The following SLC37A3 variants were observed in gnomAD, a reference collection of about 807,000 sequenced individuals.
The protein encoded by SLC37A3 is sugar phosphate exchanger 3.
In SLC37A3, 51 loss-of-function variants were observed where a neutral mutation model predicts 67.1. The ratio of observed to expected loss-of-function variants is 0.76; its 90% CI spans 0.61 to 0.96. SLC37A3 has a LOEUF of 0.96. SLC37A3 is among the 40% of genes least tolerant of loss of function. SLC37A3 has a pLI of 0.00. For missense variants in SLC37A3, 508 were observed against 603.0 expected (o/e 0.84, Z 1.65); for synonymous variants, 214 against 231.4 (o/e 0.92, Z 0.68).
chr7:140,373,938 A>C (rs1293146900), intron 3 of SLC37A3, among the ~76,000 whole-genome samples: 1 of 152,180 alleles, frequency 6.6e-6, no homozygotes, highest in East Asian at 1.9e-4. Flanking sequence ...GTTTTGAAAA[A>C]GTCATTTTTC....
rs1486514231 is a variant in SLC37A3, at chr7:140,358,785, C to T, written c.376G>A (p.Val126Met). 3 of 1,613,940 alleles carry T rather than the reference C, an allele frequency of 1.9e-6. No individual in the cohort carries two copies. Among genetic ancestry groups the T allele is most frequent in the Non-Finnish European group, 2.5e-6 (3 of 1,180,012 alleles). The change falls in exon 6 of 15, where the codon GTG (valine) becomes ATG (methionine). Residue 126 changes from valine (V) to methionine (M), a missense_variant and splice_region_variant. Coordinates refer to ENST00000326232, the MANE Select transcript of SLC37A3 (RefSeq NM_207113.3). ...TCTGTGAGCGCACCAAAGACAAACA[C>T]CTTGAAGAGGAGGAAACAAAAGGAA... The part of the protein sequence containing the change: ...SFGMCSSALV[V>M]FVFGALTEWL...
chr7:140,365,387 A>G (rs539446694), intron 4 of SLC37A3, among the ~76,000 whole-genome samples: 2 of 152,080 alleles, frequency 1.3e-5, no homozygotes, highest in Non-Finnish European at 2.9e-5. Context: ...CCAATAGTTC[A>G]AGACCAAACT....
At position 140,335,403 on chromosome 7, in the gene SLC37A3, G is replaced by C; in HGVS notation, c.*9C>G. 6.2e-7 allele frequency: 1 copy of C among 1,614,088 alleles called. No individual in the cohort carries two copies. Among genetic ancestry groups the C allele is most frequent in the Non-Finnish European group, 8.5e-7 (1 of 1,180,030 alleles). ...GCTGACATTGTTCTTTCTGTCTCGC[G>C]GGCACCGGTCACTCCCTCAATATGT... On this transcript the variant is annotated 3_prime_UTR_variant, in exon 15 of 15. Coordinates refer to ENST00000326232, the MANE Select transcript of SLC37A3 (RefSeq NM_207113.3).
chr7:140,355,182 A>G (rs1424489958), intron 7 of SLC37A3, among the ~76,000 whole-genome samples: 1 of 150,786 alleles, frequency 6.6e-6, no homozygotes, highest in Non-Finnish European at 1.5e-5. Context: ...ACTTTTAATG[A>G]ATATATCAGA....
At chr7:140,362,683 G>T (rs1304168257) in intron 5 of SLC37A3, among the ~76,000 whole-genome samples, 1 of 71,868 alleles carries the variant, frequency 1.4e-5, no homozygotes. Flanking sequence ...TGGGGGGGGG[G>T]GTCAGCCCCC....
chr7:140,392,210 G>A (rs766363517), intron 1 of SLC37A3, among the ~76,000 whole-genome samples: 1 of 151,782 alleles, frequency 6.6e-6, no homozygotes, highest in Non-Finnish European at 1.5e-5. Flanking sequence ...GGACTGAAAG[G>A]TGTCCGTGTA....
At chr7:140,365,910 C>A (rs1444679929) in intron 4 of SLC37A3, among the ~76,000 whole-genome samples, 14 of 115,020 alleles carry the variant, frequency 1.2e-4, no homozygotes, top group Non-Finnish European at 1.5e-4. Flanking sequence ...GATGACAGAA[C>A]AATACATGCT....
At chr7:140,380,412 G>A (rs1798206192) in intron 2 of SLC37A3, 22 bp from the exon 3 acceptor site, 1 of 1,504,932 alleles carries the variant, frequency 6.6e-7, no homozygotes, top group African/African-American at 1.4e-5. Flanking sequence ...AGAGAATACA[G>A]ATGAATGAAT....
At chr7:140,361,308 C>A (rs944500376) in intron 5 of SLC37A3, among the ~76,000 whole-genome samples, 2 of 151,854 alleles carry the variant, frequency 1.3e-5, no homozygotes, top group Non-Finnish European at 2.9e-5. Flanking sequence ...CATGGAGAAA[C>A]CCGTCTTTAC....
rs907760578 is a variant in SLC37A3, at chr7:140,380,812, G to A, written c.90-422C>T. Among the ~76,000 whole-genome samples, 3 of 151,992 alleles carry A rather than the reference G, an allele frequency of 2.0e-5. 1 individual carries two copies. In the South Asian group the frequency reaches 6.2e-4, roughly 32 times the overall value. On this transcript the variant is annotated intron_variant, in intron 2 of 14. Coordinates refer to ENST00000326232, the MANE Select transcript of SLC37A3 (RefSeq NM_207113.3). ...GCCCAGGATGGTCTCAAACTCCTGG[G>A]CTCAAGCGATCCTCCCACCACTTGG... is the stretch of plus-strand genomic sequence containing the variant.
At chr7:140,364,528 A>T (rs1797521820) in intron 4 of SLC37A3, 37 bp from the exon 5 acceptor site, 1 of 1,581,244 alleles carries the variant, frequency 6.3e-7, no homozygotes, top group African/African-American at 1.4e-5. Flanking sequence ...GCTCTAAATA[A>T]TAACACAGTA....
At chr7:140,351,203 A>C (rs1796779137) in intron 9 of SLC37A3, 70 bp downstream of exon 9, 4 of 1,462,030 alleles carry the variant, frequency 2.7e-6, no homozygotes, top group Non-Finnish European at 3.7e-6. Flanking sequence ...AGGAAGCTTT[A>C]TCTCAGGCAG....
intron 9 of SLC37A3, 152 bp downstream of exon 9, chr7:140,351,121 G>A (rs1796776222): frequency 8.9e-6 from 6 of 670,842 alleles, no homozygotes; most frequent in Admixed American, 3.5e-5. Context: ...CAGATAAGCT[G>A]AGGGGCACTA....
intron 3 of SLC37A3, among the ~76,000 whole-genome samples, chr7:140,371,452 G>A (rs555024929): frequency 1.1e-4 from 16 of 152,270 alleles, no homozygotes; most frequent in African/African-American, 3.9e-4. Flanking sequence ...GATTACAGGC[G>A]TGAGCCACCG....
intron 13 of SLC37A3, among the ~76,000 whole-genome samples, chr7:140,340,948 G>A (rs1326739889): frequency 2.0e-5 from 3 of 148,236 alleles, no homozygotes; most frequent in Non-Finnish European, 4.5e-5. Flanking sequence ...AAAAAATAGA[G>A]AGAGAGAGCC....
chr7:140,337,372 T>G (rs746754457), intron 13 of SLC37A3, 23 bp from the exon 14 acceptor site: 2 of 1,541,760 alleles, frequency 1.3e-6, no homozygotes, highest in Non-Finnish European at 1.8e-6. Context: ...AAAAAAAAAT[T>G]ACAATATAAT....
At chr7:140,363,503 G>C (rs1451517094) in intron 5 of SLC37A3, among the ~76,000 whole-genome samples, 12 of 118,926 alleles carry the variant, frequency 1.0e-4, no homozygotes, top group East Asian at 4.8e-4. Flanking sequence ...CAGCAGGCTC[G>C]TTAAGAGTCA....
Position 140,349,541 on chromosome 7 carries a change from G to C in SLC37A3, c.883-774C>G, listed in dbSNP as rs111272728. Reference sequence around the variant, plus strand: ...GACATTCAGCATCAAAGGAAAAAGGGGGGGGGGACAGAGGGGCTGACTTCA... The same window carrying C: ...GACATTCAGCATCAAAGGAAAAAGGCGGGGGGGACAGAGGGGCTGACTTCA... On this transcript the variant is annotated intron_variant, in intron 9 of 14. Transcript: ENST00000326232. 3.9e-3 allele frequency among the ~76,000 whole-genome samples: 592 copies of C among 151,272 alleles called. 5 individuals carry two copies. The highest frequency in any genetic ancestry group is 0.013 in the African/African-American group (528 of 41,284).
At chr7:140,371,959 C>A (rs1486681552) in intron 3 of SLC37A3, among the ~76,000 whole-genome samples, 1 of 151,958 alleles carries the variant, frequency 6.6e-6, no homozygotes, top group African/African-American at 2.4e-5. Flanking sequence ...TCAAGTGATT[C>A]TCCTCCCTCA....
Sources: gnomAD v4.1 joint callset for allele counts (sites outside exome capture counted in the v4.1 genomes callset) on GRCh38, gnomAD v4.1.1 for gene constraint, MANE v1.5 for transcripts, NCBI Gene and HGNC (gene_info 2026-07-23, HGNC 2026-07-21) for gene names.